LRMDA: variants seen among roughly 807,000 people sequenced by gnomAD.
LRMDA encodes the protein leucine rich melanocyte differentiation associated.
Under a neutral mutation model 29.8 loss-of-function variants are expected in LRMDA, and 18 were observed. The ratio of observed to expected loss-of-function variants is 0.60; its 90% CI spans 0.42 to 0.90. The LOEUF (loss-of-function observed/expected upper bound fraction) is 0.90. Ranked by LOEUF, LRMDA falls within the 40% of genes least tolerant of loss-of-function variation. The probability of loss-of-function intolerance (pLI) is 0.00; values close to 1 mark genes in which losing one functional copy is unlikely to be tolerated. For synonymous variants in LRMDA, 125 were observed against 109.4 expected, an observed-to-expected ratio of 1.14 and a Z score of -0.89; for missense variants, 273 against 273.9, an observed-to-expected ratio of 1.00 and a Z score of 0.02.
chr10:76,290,994 C>T (rs1477725077), intron 5 of LRMDA, among the ~76,000 whole-genome samples: 5 of 152,114 alleles, frequency 3.3e-5, no homozygotes, highest in South Asian at 2.1e-4. Flanking sequence ...CAAAGAAGAG[C>T]GAGTACCATG....
chr10:76,264,918 TGAGGTATCACA>T (rs1295072177), intron 5 of LRMDA, among the ~76,000 whole-genome samples: 1 of 152,228 alleles, frequency 6.6e-6, no homozygotes, highest in Non-Finnish European at 1.5e-5. Context: ...AACCTTTCAC[TGAGGTATCACA>T]GACAGACATT....
intron 2 of LRMDA, among the ~76,000 whole-genome samples, chr10:75,786,921 G>A (rs1321517257): frequency 2.0e-5 from 3 of 152,158 alleles, no homozygotes; most frequent in African/African-American, 7.2e-5. Context: ...AAATGGACTT[G>A]GCAGTAATTT....
At chr10:76,347,942 G>A (rs1293960392) in intron 6 of LRMDA, among the ~76,000 whole-genome samples, 1 of 152,070 alleles carries the variant, frequency 6.6e-6, no homozygotes, top group Admixed American at 6.6e-5. Flanking sequence ...ATTAAAACAG[G>A]CATTCTAATA....
chr10:76,366,323 T>G (rs1323234068), intron 6 of LRMDA, among the ~76,000 whole-genome samples: 1 of 152,150 alleles, frequency 6.6e-6, no homozygotes, highest in Non-Finnish European at 1.5e-5. Flanking sequence ...TTTGTAGATT[T>G]CTTTTGGCAG....
chr10:76,340,537 AG>A (rs1279591364), intron 6 of LRMDA, among the ~76,000 whole-genome samples: 4 of 146,610 alleles, frequency 2.7e-5, no homozygotes, highest in Admixed American at 6.8e-5. Flanking sequence ...AAAAAAAAAA[AG>A]AGAGAGAGAG....
intron 6 of LRMDA, among the ~76,000 whole-genome samples, chr10:76,353,853 CAT>C (rs1415405920): frequency 6.6e-6 from 1 of 152,120 alleles, no homozygotes; most frequent in Admixed American, 6.6e-5. Flanking sequence ...TAAGGGGGGA[CAT>C]GTGATTTCTG....
At chr10:75,758,765 G>A (rs548493684) in intron 2 of LRMDA, among the ~76,000 whole-genome samples, 9 of 152,124 alleles carry the variant, frequency 5.9e-5, no homozygotes, top group South Asian at 2.1e-4. Flanking sequence ...TTTAATATTC[G>A]TGTGGGGATT....
At chr10:75,872,152 C>T (rs1245481491) in intron 2 of LRMDA, among the ~76,000 whole-genome samples, 2 of 152,064 alleles carry the variant, frequency 1.3e-5, no homozygotes, top group Non-Finnish European at 2.9e-5. Context: ...TTGAGAGAAG[C>T]GATGTTGCTT....
chr10:75,754,784 C>T (rs1445444309), intron 2 of LRMDA, among the ~76,000 whole-genome samples: 1 of 152,082 alleles, frequency 6.6e-6, no homozygotes, highest in Non-Finnish European at 1.5e-5. Context: ...TTTTCTCTCT[C>T]TCTCCCCTCT....
At chr10:76,339,110 T>TGAG (rs1045990427) in intron 6 of LRMDA, among the ~76,000 whole-genome samples, 5 of 152,046 alleles carry the variant, frequency 3.3e-5, no homozygotes, top group African/African-American at 9.7e-5. Flanking sequence ...GAAAATAAGG[T>TGAG]GATATTCTTT....
intron 5 of LRMDA, among the ~76,000 whole-genome samples, chr10:76,158,317 A>T (rs1850579877): frequency 6.6e-6 from 1 of 152,014 alleles, no homozygotes; most frequent in Admixed American, 6.6e-5. Context: ...CCTATATAAA[A>T]CCTTCTAAAC....
At chr10:76,107,240 C>T (rs1251983581) in intron 5 of LRMDA, among the ~76,000 whole-genome samples, 10 of 152,136 alleles carry the variant, frequency 6.6e-5, no homozygotes, top group Non-Finnish European at 1.3e-4. Context: ...CTGCAGCTTG[C>T]AGGGCTTGGT....
intron 2 of LRMDA, among the ~76,000 whole-genome samples, chr10:75,956,400 A>T (rs1043683584): frequency 2.6e-5 from 4 of 152,152 alleles, no homozygotes; most frequent in African/African-American, 9.7e-5. Context: ...ATTGCCTCTC[A>T]TTTGTCCTCA....
chr10:76,238,381 A>T (rs76277493), intron 5 of LRMDA, among the ~76,000 whole-genome samples: 1,978 of 152,242 alleles, frequency 0.013, 46 homozygotes, highest in African/African-American at 0.045. Flanking sequence ...TTATTAAGTG[A>T]CAGAGCCACG....
At chr10:76,363,157 GAAAGAAAGAAAGAAAGAAA>G (rs1564520585) in intron 6 of LRMDA, among the ~76,000 whole-genome samples, 29 of 38,926 alleles carry the variant, frequency 7.5e-4, no homozygotes, top group Admixed American at 1.1e-3. Flanking sequence ...AAGAAAGAAA[GAAAGAAAGAAAGAAAGAAA>G]GGAGGGAGGG....
intron 2 of LRMDA, among the ~76,000 whole-genome samples, chr10:75,459,072 C>T (rs756273798): frequency 6.0e-5 from 9 of 150,818 alleles, no homozygotes; most frequent in Non-Finnish European, 8.8e-5. Context: ...ACAGGCAGTA[C>T]GCAGCAAGAT....
intron 2 of LRMDA, among the ~76,000 whole-genome samples, chr10:75,653,639 T>C (rs991012305): frequency 7.9e-5 from 12 of 152,230 alleles, no homozygotes; most frequent in African/African-American, 2.9e-4. Context: ...CTGTGTAACA[T>C]ACACATGTAC....
At chr10:75,525,142 A>C (rs1434397541) in intron 2 of LRMDA, among the ~76,000 whole-genome samples, 1 of 152,208 alleles carries the variant, frequency 6.6e-6, no homozygotes, top group African/African-American at 2.4e-5. Flanking sequence ...CCTGTAGACC[A>C]TCTGTTGGCT....
intron 2 of LRMDA, among the ~76,000 whole-genome samples, chr10:75,917,634 G>T (rs935842964): frequency 6.6e-6 from 1 of 152,198 alleles, no homozygotes; most frequent in African/African-American, 2.4e-5. Flanking sequence ...GCTGTGCAGG[G>T]TGATAAGAAA....
Sources: gnomAD v4.1 joint callset for allele counts (sites outside exome capture counted in the v4.1 genomes callset) on GRCh38, gnomAD v4.1.1 for gene constraint, MANE v1.5 for transcripts, NCBI Gene and HGNC (gene_info 2026-07-23, HGNC 2026-07-21) for gene names.